XIRP2: variants seen among roughly 807,000 people sequenced by gnomAD.
The protein encoded by XIRP2 is xin actin-binding repeat-containing protein 2.
XIRP2 carries 236 observed loss-of-function variants against 277.0 expected under a neutral mutation model. That is an observed-to-expected ratio of 0.85 (90% CI 0.77 to 0.95). The LOEUF (loss-of-function observed/expected upper bound fraction) is 0.95, where lower values mean the gene tolerates loss of function less well. Among genes scored for constraint, XIRP2 ranks in the 40% least tolerant of loss-of-function variants. XIRP2 has a pLI of 0.00. For missense variants in XIRP2, 4,640 were observed against 4,157.5 expected, an observed-to-expected ratio of 1.12 and a Z score of -3.19; for synonymous variants, 1,490 against 1,416.5, an observed-to-expected ratio of 1.05 and a Z score of -1.17.
chr2:166,911,160 G>A (rs184118231), intron 2 of XIRP2, among the ~76,000 whole-genome samples: 15 of 152,226 alleles, frequency 9.9e-5, no homozygotes, highest in African/African-American at 3.6e-4. Flanking sequence ...TCAATTCCTG[G>A]ATATCTTTGT....
At chr2:166,944,732 C>T (rs762444784) in intron 2 of XIRP2, among the ~76,000 whole-genome samples, 1 of 152,134 alleles carries the variant, frequency 6.6e-6, no homozygotes, top group Non-Finnish European at 1.5e-5. Context: ...ATTTTATCTT[C>T]ACAAAATCCC....
rs547783486 is a variant in XIRP2, at chr2:167,145,158, T to C, written c.562+9096T>C. Among the ~76,000 whole-genome samples, 8 of 152,308 alleles carry C rather than the reference T, an allele frequency of 5.3e-5. No individual in the cohort carries two copies. In the East Asian group the frequency reaches 9.6e-4, roughly 18 times the overall value. On this transcript the variant is annotated intron_variant, in intron 3 of 10. Transcript: ENST00000409195. ...TGGAAAAATAATGAATAACACCATATGCAATAATATTCTATATACTACATG... is the reference window on the plus strand; with the variant it reads ...TGGAAAAATAATGAATAACACCATACGCAATAATATTCTATATACTACATG...
intron 2 of XIRP2, among the ~76,000 whole-genome samples, chr2:166,915,221 A>AATCTGGGAG: frequency 6.7e-6 from 1 of 149,976 alleles, no homozygotes; most frequent in Admixed American, 6.7e-5. Flanking sequence ...GAATGGCATG[A>AATCTGGGAG]ATCTGGGAGG....
chr2:166,912,806 G>A (rs1684747983), intron 2 of XIRP2, among the ~76,000 whole-genome samples: 1 of 152,148 alleles, frequency 6.6e-6, no homozygotes, highest in South Asian at 2.1e-4. Flanking sequence ...CTTTCTGTTT[G>A]TTAGTTTTCC....
intron 2 of XIRP2, among the ~76,000 whole-genome samples, chr2:167,074,440 A>G (rs1195908880): frequency 6.6e-6 from 1 of 152,198 alleles, no homozygotes; most frequent in African/African-American, 2.4e-5. Flanking sequence ...ACAAAATATT[A>G]TTAGCTCATT....
chr2:167,092,811 T>C (rs1690184340), intron 2 of XIRP2, among the ~76,000 whole-genome samples: 1 of 152,098 alleles, frequency 6.6e-6, no homozygotes, highest in African/African-American at 2.4e-5. Context: ...GAGAGTGATT[T>C]AAGCAAATTA....
At chr2:166,925,398 G>A (rs993922973) in intron 2 of XIRP2, among the ~76,000 whole-genome samples, 7 of 151,694 alleles carry the variant, frequency 4.6e-5, no homozygotes, top group East Asian at 1.9e-4. Context: ...GATAAAAAAT[G>A]ACACCAGGTT....
chr2:167,164,773 A>G (rs1465815006), intron 3 of XIRP2, among the ~76,000 whole-genome samples: 1 of 151,830 alleles, frequency 6.6e-6, no homozygotes, highest in East Asian at 1.9e-4. Flanking sequence ...AACAGAAGGT[A>G]TGGAGATTTG....
At chr2:167,238,532 A>T (rs1346929994) in intron 5 of XIRP2, among the ~76,000 whole-genome samples, 1 of 152,090 alleles carries the variant, frequency 6.6e-6, no homozygotes, top group Non-Finnish European at 1.5e-5. Flanking sequence ...TGAGGGAAAA[A>T]GTCTCATACA....
intron 4 of XIRP2, among the ~76,000 whole-genome samples, chr2:167,212,489 T>G: frequency 6.6e-6 from 1 of 152,228 alleles, no homozygotes; most frequent in East Asian, 1.9e-4. Context: ...GGAAATTAAA[T>G]GATCCCATTA....
chr2:167,226,751 C>T lies in XIRP2; in HGVS notation c.858+8451C>T, dbSNP rs117543381. Among the ~76,000 whole-genome samples, 494 of 152,152 alleles carry T rather than the reference C, an allele frequency of 3.2e-3. 22 individuals are homozygous for T. The East Asian group carries it at 0.067, about 21-fold the overall frequency. Reference sequence around the variant, plus strand: ...ACAGGGATGTAGTGGTAGCAAGTTTCGAAGAGTTCTCTGTCTGTAGGTTCC... The same window carrying T: ...ACAGGGATGTAGTGGTAGCAAGTTTTGAAGAGTTCTCTGTCTGTAGGTTCC... On this transcript the variant is annotated intron_variant, in intron 5 of 10. Coordinates refer to ENST00000409195, the MANE Select transcript of XIRP2 (RefSeq NM_152381.6).
intron 3 of XIRP2, among the ~76,000 whole-genome samples, chr2:167,185,167 G>A (rs1270859143): frequency 6.6e-6 from 1 of 152,082 alleles, no homozygotes; most frequent in African/African-American, 2.4e-5. Flanking sequence ...CAAATTACGT[G>A]ATCACTAATT....
chr2:166,892,979 T>TACACACACACAC (rs572313151), intron 1 of XIRP2, among the ~76,000 whole-genome samples: 80 of 145,910 alleles, frequency 5.5e-4, no homozygotes, highest in Non-Finnish European at 7.1e-4. Context: ...TATATATGTA[T>TACACACACACAC]ATACACACAC....
intron 2 of XIRP2, among the ~76,000 whole-genome samples, chr2:167,019,953 T>A (rs1055270415): frequency 6.6e-6 from 1 of 152,048 alleles, no homozygotes; most frequent in Non-Finnish European, 1.5e-5. Flanking sequence ...CTTATATTTT[T>A]ATTTTCTGAT....
chr2:166,987,259 A>G (rs1420560156), intron 2 of XIRP2, among the ~76,000 whole-genome samples: 2 of 152,210 alleles, frequency 1.3e-5, no homozygotes, highest in Non-Finnish European at 2.9e-5. Context: ...CAGCATGAAG[A>G]CATTGCCTAC....
chr2:167,093,595 A>C (rs1403779792), intron 2 of XIRP2, among the ~76,000 whole-genome samples: 1 of 151,952 alleles, frequency 6.6e-6, no homozygotes, highest in East Asian at 1.9e-4. Context: ...GTGTTAGTTT[A>C]CTGAGAATGA....
At chr2:167,069,684 T>C (rs16852932) in intron 2 of XIRP2, among the ~76,000 whole-genome samples, 6,570 of 152,258 alleles carry the variant, frequency 0.043, 322 homozygotes, top group African/African-American at 0.12. Flanking sequence ...GGATTCTCAC[T>C]AAGCTTTAAC....
intron 2 of XIRP2, among the ~76,000 whole-genome samples, chr2:167,023,071 A>G (rs1688032450): frequency 6.6e-6 from 1 of 152,234 alleles, no homozygotes; most frequent in African/African-American, 2.4e-5. Flanking sequence ...AGTCCCACCA[A>G]CAGTGTAAAA....
At chr2:167,120,149 G>A (rs1429613310) in intron 2 of XIRP2, among the ~76,000 whole-genome samples, 3 of 152,120 alleles carry the variant, frequency 2.0e-5, no homozygotes, top group African/African-American at 7.2e-5. Context: ...GTGCAGAAAC[G>A]AGGATTCTCT....
Sources: allele counts gnomAD v4.1 joint callset (sites outside exome capture counted in the v4.1 genomes callset), GRCh38; gene constraint gnomAD v4.1.1; transcripts MANE v1.5; gene names NCBI Gene and HGNC (gene_info 2026-07-23, HGNC 2026-07-21).